Variants in CNTNAP2 observed in about 807,000 individuals in gnomAD.
CNTNAP2 encodes contactin-associated protein-like 2.
Under a neutral mutation model 155.2 loss-of-function variants are expected in CNTNAP2, and 98 were observed. That is an observed-to-expected ratio of 0.63 (90% confidence interval 0.54 to 0.75). The LOEUF is 0.75. CNTNAP2 is among the 30% of genes least tolerant of loss of function. The probability of loss-of-function intolerance (pLI) is 0.00; values close to 1 mark genes in which losing one functional copy is unlikely to be tolerated. For missense variants in CNTNAP2, 1,727 were observed against 1,688.1 expected (o/e 1.02, Z -0.40); for synonymous variants, 651 against 631.2 (o/e 1.03, Z -0.47).
intron 1 of CNTNAP2, among the ~76,000 whole-genome samples, chr7:146,324,945 T>C (rs1264014417): frequency 1.3e-5 from 2 of 151,756 alleles, no homozygotes; most frequent in Non-Finnish European, 2.9e-5. Flanking sequence ...GACAATATAG[T>C]TTTTTTGGAT....
chr7:146,371,370 T>G (rs918242589), intron 1 of CNTNAP2, among the ~76,000 whole-genome samples: 3 of 133,948 alleles, frequency 2.2e-5, no homozygotes, highest in Non-Finnish European at 4.7e-5. Flanking sequence ...TATTAGTTTT[T>G]TTTTTTTTTT....
At chr7:147,164,225 G>A (rs1158674885) in intron 8 of CNTNAP2, among the ~76,000 whole-genome samples, 1 of 152,182 alleles carries the variant, frequency 6.6e-6, no homozygotes, top group Non-Finnish European at 1.5e-5. Flanking sequence ...AGCCAGGTGT[G>A]ACAGTTGACA....
intron 1 of CNTNAP2, among the ~76,000 whole-genome samples, chr7:146,569,111 G>A (rs929967002): frequency 1.3e-5 from 2 of 152,018 alleles, no homozygotes; most frequent in Non-Finnish European, 2.9e-5. Context: ...CTGCCTCCCG[G>A]GTTCACGCCA....
chr7:148,339,174 G>C (rs546933354), intron 21 of CNTNAP2, among the ~76,000 whole-genome samples: 1 of 151,986 alleles, frequency 6.6e-6, no homozygotes, highest in Admixed American at 6.6e-5. Flanking sequence ...CCCGCAGTCC[G>C]GGCTCTCAGA....
chr7:147,908,169 G>A (rs1182999998), intron 14 of CNTNAP2, among the ~76,000 whole-genome samples: 1 of 152,154 alleles, frequency 6.6e-6, no homozygotes. Context: ...CTGCTGTGTC[G>A]TAGGCCTCAA....
chr7:146,273,918 A>G (rs116767080), intron 1 of CNTNAP2, among the ~76,000 whole-genome samples: 2,212 of 152,290 alleles, frequency 0.015, 57 homozygotes, highest in African/African-American at 0.049. Flanking sequence ...ATTCATACAT[A>G]AGGAAATGGT....
chr7:146,663,302 AGAAAG>A (rs1800128216), intron 1 of CNTNAP2, among the ~76,000 whole-genome samples: 1 of 145,522 alleles, frequency 6.9e-6, no homozygotes, highest in African/African-American at 2.6e-5. Context: ...AAAAAAAGAA[AGAAAG>A]AAAAAGAAAG....
chr7:147,409,482 T>C (rs1335685752), intron 10 of CNTNAP2, among the ~76,000 whole-genome samples: 3 of 152,142 alleles, frequency 2.0e-5, no homozygotes, highest in African/African-American at 7.2e-5. Flanking sequence ...ATTCAGGACA[T>C]AGGCATGGGC....
At chr7:147,895,918 A>C (rs1475046192) in intron 13 of CNTNAP2, among the ~76,000 whole-genome samples, 2 of 152,244 alleles carry the variant, frequency 1.3e-5, no homozygotes, top group East Asian at 3.8e-4. Flanking sequence ...TCTCTGGAAT[A>C]CGTTTTTCTT....
chr7:146,151,660 ATATATATATATATATATATATG>A (rs1377661983), intron 1 of CNTNAP2, among the ~76,000 whole-genome samples: 22 of 55,192 alleles, frequency 4.0e-4, no homozygotes, highest in Admixed American at 1.2e-3. Context: ...ATATATATAT[ATATATATATATATATATATATG>A]TATATATATA....
chr7:146,371,375 T>TTTG (rs886713618), intron 1 of CNTNAP2, among the ~76,000 whole-genome samples: 1 of 138,022 alleles, frequency 7.2e-6, no homozygotes, highest in Non-Finnish European at 1.5e-5. Flanking sequence ...GTTTTTTTTT[T>TTTG]TTTTTTTTTT....
intron 8 of CNTNAP2, among the ~76,000 whole-genome samples, chr7:147,180,720 C>T (rs184451619): frequency 6.6e-6 from 1 of 152,048 alleles, no homozygotes. Context: ...ACTGAAGTTA[C>T]CTTCATTCAA....
intron 1 of CNTNAP2, among the ~76,000 whole-genome samples, chr7:146,542,715 G>T (rs1050454684): frequency 6.6e-6 from 1 of 151,964 alleles, no homozygotes; most frequent in East Asian, 1.9e-4. Flanking sequence ...ATACCAGGAA[G>T]ATTAGAGAGA....
intron 1 of CNTNAP2, among the ~76,000 whole-genome samples, chr7:146,443,230 T>TAAATA (rs1554434107): frequency 2.7e-5 from 4 of 147,772 alleles, no homozygotes; most frequent in African/African-American, 1.0e-4. Flanking sequence ...AATAAATAAA[T>TAAATA]AATAAATAAA....
At chr7:147,039,427 C>G (rs1799218469) in intron 3 of CNTNAP2, among the ~76,000 whole-genome samples, 2 of 152,180 alleles carry the variant, frequency 1.3e-5, no homozygotes, top group African/African-American at 4.8e-5. Context: ...TATTAGTTCT[C>G]ATCATTTAGC....
intron 13 of CNTNAP2, among the ~76,000 whole-genome samples, chr7:147,838,651 A>T (rs976230035): frequency 2.0e-5 from 3 of 152,224 alleles, no homozygotes; most frequent in Non-Finnish European, 4.4e-5. Context: ...TCCAGTTCCC[A>T]ACAAGTTCCT....
chr7:146,230,861 A>G (rs1224036394), intron 1 of CNTNAP2, among the ~76,000 whole-genome samples: 2 of 152,038 alleles, frequency 1.3e-5, no homozygotes, highest in Middle Eastern at 3.2e-3. Context: ...CTAACAATAC[A>G]AAAAATAGCC....
chr7:147,746,557 G>T (rs987530349), intron 13 of CNTNAP2, among the ~76,000 whole-genome samples: 1 of 152,012 alleles, frequency 6.6e-6, no homozygotes, highest in African/African-American at 2.4e-5. Flanking sequence ...CCTGCTCCCA[G>T]TTCCTCTGCT....
At chr7:147,209,206 T>C (rs1803085799) in intron 8 of CNTNAP2, among the ~76,000 whole-genome samples, 1 of 152,076 alleles carries the variant, frequency 6.6e-6, no homozygotes, top group African/African-American at 2.4e-5. Context: ...TTAAACAATA[T>C]TAATTCTTCT....
Sources: allele counts gnomAD v4.1 joint callset (sites outside exome capture counted in the v4.1 genomes callset), GRCh38; gene constraint gnomAD v4.1.1; transcripts MANE v1.5; gene names NCBI Gene and HGNC (gene_info 2026-07-23, HGNC 2026-07-21).